Variants in NRXN1 observed in about 807,000 individuals in gnomAD.
NRXN1 encodes neurexin-1.
NRXN1 carries 39 observed loss-of-function variants against 150.9 expected under a neutral mutation model. The ratio of observed to expected loss-of-function variants is 0.26; its 90% CI spans 0.20 to 0.34. The LOEUF is 0.34. Among genes scored for constraint, NRXN1 ranks in the 10% least tolerant of loss-of-function variants. The pLI is 1.00. For missense variants in NRXN1, 1,815 were observed against 1,949.9 expected (o/e 0.93, Z 1.30); for synonymous variants, 924 against 757.0 (o/e 1.22, Z -3.62).
intron 19 of NRXN1, among the ~76,000 whole-genome samples, chr2:50,084,040 T>C (rs1273480241): frequency 6.6e-6 from 1 of 152,168 alleles, no homozygotes; most frequent in Non-Finnish European, 1.5e-5. Context: ...CCAGATTAGT[T>C]AGATACAGAG....
At position 50,727,738 on chromosome 2, in the gene NRXN1, T is replaced by C. The variant is rs184606764; in HGVS notation, c.833-104123A>G. Among the ~76,000 whole-genome samples the C allele has an allele frequency of 2.0e-3, 299 of 152,278 alleles. 1 individual carries two copies. The highest frequency in any genetic ancestry group is 6.9e-3 in the African/African-American group (287 of 41,582). ...AATTAAACATTTTACCATGGCAATATATAAGAAGAAGATCTTGGCTCCACT... is the reference window on the plus strand; with the variant it reads ...AATTAAACATTTTACCATGGCAATACATAAGAAGAAGATCTTGGCTCCACT... On this transcript the variant is annotated intron_variant, in intron 5 of 22. Coordinates refer to ENST00000401669, the MANE Select transcript of NRXN1 (RefSeq NM_001330078.2).
intron 22 of NRXN1, among the ~76,000 whole-genome samples, chr2:49,942,944 AAAACC>A (rs758960147): frequency 6.6e-5 from 10 of 152,166 alleles, no homozygotes; most frequent in Non-Finnish European, 1.2e-4. Flanking sequence ...TGCTTTACCA[AAAACC>A]AAACCAAACC....
chr2:50,018,465 A>T (rs1194832313), intron 21 of NRXN1, among the ~76,000 whole-genome samples: 1 of 152,156 alleles, frequency 6.6e-6, no homozygotes. Context: ...GCAGTAATGG[A>T]TCCATTCCAA....
intron 21 of NRXN1, among the ~76,000 whole-genome samples, chr2:50,004,621 C>A (rs780314704): frequency 9.2e-5 from 14 of 152,054 alleles, no homozygotes; most frequent in Non-Finnish European, 5.9e-5. Context: ...TTATTCAAGG[C>A]AATCTTTTAT....
intron 2 of NRXN1, among the ~76,000 whole-genome samples, chr2:51,007,544 T>TTG (rs923161382): frequency 1.3e-5 from 2 of 151,900 alleles, no homozygotes; most frequent in South Asian, 2.1e-4. Flanking sequence ...CTTTTACCTT[T>TTG]TGTGTGTGTG....
chr2:50,798,686 G>T (rs1375125915), intron 5 of NRXN1, among the ~76,000 whole-genome samples: 1 of 152,140 alleles, frequency 6.6e-6, no homozygotes, highest in African/African-American at 2.4e-5. Context: ...TCAGAAATGG[G>T]TACAGAAATA....
intron 2 of NRXN1, among the ~76,000 whole-genome samples, chr2:50,947,588 A>G (rs1049439170): frequency 1.3e-5 from 2 of 151,936 alleles, no homozygotes; most frequent in Admixed American, 6.6e-5. Context: ...ATAAAACTTA[A>G]TTATAGAGCT....
At chr2:50,784,007 A>G (rs1704725559) in intron 5 of NRXN1, among the ~76,000 whole-genome samples, 1 of 152,118 alleles carries the variant, frequency 6.6e-6, no homozygotes, top group Non-Finnish European at 1.5e-5. Flanking sequence ...AGGTCCAGCA[A>G]TCTTCTGCTG....
At chr2:50,317,294 G>T (rs1342371658) in intron 17 of NRXN1, among the ~76,000 whole-genome samples, 1 of 151,746 alleles carries the variant, frequency 6.6e-6, no homozygotes, top group Non-Finnish European at 1.5e-5. Flanking sequence ...ATAATAAAAA[G>T]AAACCCTTAC....
chr2:49,942,025 G>A (rs1270196100), intron 22 of NRXN1, among the ~76,000 whole-genome samples: 3 of 152,108 alleles, frequency 2.0e-5, no homozygotes, highest in African/African-American at 7.2e-5. Context: ...AACAGATTAA[G>A]CATACCAATG....
chr2:50,793,803 G>A (rs987596592), intron 5 of NRXN1, among the ~76,000 whole-genome samples: 2 of 152,088 alleles, frequency 1.3e-5, no homozygotes, highest in Non-Finnish European at 2.9e-5. Context: ...AACCCCCAGA[G>A]GACCCTCAGC....
intron 18 of NRXN1, among the ~76,000 whole-genome samples, chr2:50,164,741 A>G (rs1370648123): frequency 6.6e-6 from 1 of 152,188 alleles, no homozygotes; most frequent in African/African-American, 2.4e-5. Flanking sequence ...ACATAAGGTG[A>G]TCTGAGGATC....
intron 15 of NRXN1, among the ~76,000 whole-genome samples, chr2:50,474,839 C>CCCCAAAAAA (rs1558795095): frequency 1.2e-4 from 13 of 108,846 alleles, no homozygotes; most frequent in Non-Finnish European, 2.0e-4. Context: ...GCCCCCCTAC[C>CCCCAAAAAA]AAAAAAAAAA....
At chr2:50,631,491 C>A (rs1682315087) in intron 5 of NRXN1, 1 of 156,372 alleles carries the variant, frequency 6.4e-6, no homozygotes. Flanking sequence ...GAGGAAAAGT[C>A]AGAATATAAT....
intron 17 of NRXN1, among the ~76,000 whole-genome samples, chr2:50,449,493 T>C (rs1327770701): frequency 1.3e-5 from 2 of 152,194 alleles, no homozygotes; most frequent in Non-Finnish European, 2.9e-5. Context: ...TGCATATGAA[T>C]CATCTGGGAT....
intron 2 of NRXN1, among the ~76,000 whole-genome samples, chr2:50,999,648 C>T (rs919711359): frequency 6.6e-6 from 1 of 151,918 alleles, no homozygotes. Flanking sequence ...CGTGAAATAT[C>T]GGGGGTGAAT....
Position 50,465,031 on chromosome 2 carries a change from G to A in NRXN1, c.3364+411C>T, listed in dbSNP as rs551467578. 3.3e-5 allele frequency among the ~76,000 whole-genome samples: 5 copies of A among 151,824 alleles called. No individual in the cohort carries two copies. The East Asian group carries it at 5.8e-4, about 18-fold the overall frequency. ...CAGCAATGGGCTTAAAGAGATGTAC[G>A]CAGAGAGAAAAATGAGACCTGTAAC... On this transcript the variant is annotated intron_variant, in intron 17 of 22. Transcript: ENST00000401669.
At chr2:50,205,815 C>A (rs1460451043) in intron 18 of NRXN1, among the ~76,000 whole-genome samples, 1 of 151,862 alleles carries the variant, frequency 6.6e-6, no homozygotes, top group East Asian at 1.9e-4. Context: ...CATGGATGAA[C>A]CTTGAAAACA....
intron 18 of NRXN1, among the ~76,000 whole-genome samples, chr2:50,131,941 A>T (rs1484723080): frequency 2.0e-5 from 3 of 152,112 alleles, no homozygotes; most frequent in South Asian, 2.1e-4. Flanking sequence ...GGGGAAAAAA[A>T]GTTATTTTTG....
Sources: allele counts gnomAD v4.1 joint callset (sites outside exome capture counted in the v4.1 genomes callset), GRCh38; gene constraint gnomAD v4.1.1; transcripts MANE v1.5; gene names NCBI Gene and HGNC (gene_info 2026-07-23, HGNC 2026-07-21).